The following RETREG1 variants were observed in gnomAD, a reference collection of about 807,000 sequenced individuals.
The protein encoded by RETREG1 is reticulophagy regulator 1, also known as family with sequence similarity 134 member B.
A neutral mutation model predicts 54.8 loss-of-function variants in RETREG1; 44 were observed. That is an observed-to-expected ratio of 0.80 (90% CI 0.63 to 1.03). The LOEUF (loss-of-function observed/expected upper bound fraction) is 1.03, where lower values mean the gene tolerates loss of function less well. Among genes scored for constraint, RETREG1 ranks in the 50% least tolerant of loss-of-function variants. The probability of loss-of-function intolerance (pLI) is 0.00; values close to 1 mark genes in which losing one functional copy is unlikely to be tolerated. For missense variants in RETREG1, 554 were observed against 605.1 expected, an observed-to-expected ratio of 0.92 and a Z score of 0.89; for synonymous variants, 217 against 238.5, an observed-to-expected ratio of 0.91 and a Z score of 0.83.
chr5:16,603,494 A>G (rs548113887), intron 1 of RETREG1, among the ~76,000 whole-genome samples: 2 of 152,316 alleles, frequency 1.3e-5, no homozygotes, highest in African/African-American at 4.8e-5. Flanking sequence ...AAGACTAATG[A>G]CAGGGAAGGG....
rs915101853 is a variant in RETREG1 at position 16,597,502 on chromosome 5, A to G, written c.320+19150T>C. ...TGCTGGACTCTGAGTACCCTTGGGG[A>G]GTCCAGGAGTCTCTCTCAGGATGGC... is the stretch of plus-strand genomic sequence containing the variant. On this transcript the variant is annotated intron_variant, in intron 1 of 8. Transcript: ENST00000306320. The surrounding 1 kb of genome is among the most constrained non-coding windows in gnomAD (Gnocchi z 4.3). 1.3e-5 allele frequency among the ~76,000 whole-genome samples: 2 copies of G among 152,122 alleles called. No individual in the cohort carries two copies. The highest frequency in any genetic ancestry group is 4.8e-5 in the African/African-American group (2 of 41,430).
Position 16,474,695 on chromosome 5 carries a change from A to ATTTTTTTTTTTTTTTTTTTT in RETREG1, c.*45_*46insAAAAAAAAAAAAAAAAAAAA. 6.6e-7 allele frequency: 1 copy of ATTTTTTTTTTTTTTTTTTTT among 1,517,948 alleles called. No individual in the cohort carries two copies. Among genetic ancestry groups the ATTTTTTTTTTTTTTTTTTTT allele is most frequent in the East Asian group, 2.4e-5 (1 of 41,996 alleles). The allele number at this position is 1,517,948 out of a possible 1,614,324, so 94.0% of individuals were successfully genotyped here. A position where few individuals can be genotyped will look rare whatever the true frequency, so the allele number is the denominator to read the frequency against. ...TTTTTTTTTTTTTTTTCTTGTTTGA[A>ATTTTTTTTTTTTTTTTTTTT]ATTTTTTTGGTGTTTTTTGTGCTCT... On this transcript the variant is annotated 3_prime_UTR_variant, in exon 9 of 9. Coordinates refer to ENST00000306320, the MANE Select transcript of RETREG1 (RefSeq NM_001034850.3).
At chr5:16,557,920 T>C (rs762091514) in intron 3 of RETREG1, among the ~76,000 whole-genome samples, 1 of 152,070 alleles carries the variant, frequency 6.6e-6, no homozygotes, top group Admixed American at 6.6e-5. Flanking sequence ...GATATTAAGA[T>C]GTGATTAAGA....
intron 3 of RETREG1, among the ~76,000 whole-genome samples, chr5:16,554,830 T>C (rs1029013935): frequency 3.3e-5 from 5 of 152,176 alleles, no homozygotes; most frequent in African/African-American, 1.2e-4. Flanking sequence ...AAACAAAACT[T>C]ACTGGTATAA....
intron 3 of RETREG1, among the ~76,000 whole-genome samples, chr5:16,538,740 T>C (rs1452292606): frequency 1.3e-5 from 2 of 152,104 alleles, no homozygotes; most frequent in East Asian, 1.9e-4. Flanking sequence ...AGTCTCGCTC[T>C]GTCGCCCAGG....
In RETREG1 at chr5:16,616,933, T is replaced by G. The variant is rs184475513; in HGVS notation, c.39A>C (p.Gly13=). 13 of 1,474,600 alleles carry G rather than the reference T, an allele frequency of 8.8e-6. No homozygotes were observed. In the African/African-American group the frequency reaches 1.9e-4, roughly 22 times the overall value. 91.3% of individuals were successfully genotyped at this position (1,474,600 alleles called of 1,614,324 possible). Residue 13 remains glycine, a synonymous_variant, in exon 1 of 9, where the codon GGA becomes GGC. Coordinates refer to ENST00000306320, the MANE Select transcript of RETREG1 (RefSeq NM_001034850.3). The part of the protein sequence containing the change: ...SPAPPEHAEE[G]CPAPAAEEQA... Reference sequence around the variant, plus strand: ...GCTCCTCGGCGGCAGGAGCCGGGCATCCCTCCTCGGCGTGCTCCGGAGGCG... The same window carrying G: ...GCTCCTCGGCGGCAGGAGCCGGGCAGCCCTCCTCGGCGTGCTCCGGAGGCG...
At chr5:16,543,496 T>C (rs1021925693) in intron 3 of RETREG1, among the ~76,000 whole-genome samples, 7 of 152,020 alleles carry the variant, frequency 4.6e-5, no homozygotes, top group African/African-American at 1.7e-4. Flanking sequence ...GCCAACATGA[T>C]GAAACCCTAT....
intron 3 of RETREG1, among the ~76,000 whole-genome samples, chr5:16,526,702 A>C (rs1366469583): frequency 6.6e-6 from 1 of 152,212 alleles, no homozygotes; most frequent in Non-Finnish European, 1.5e-5. Context: ...AATCCATTAT[A>C]ATCATCAATA....
intron 3 of RETREG1, among the ~76,000 whole-genome samples, chr5:16,552,439 A>AC (rs139208556): frequency 0.011 from 1,737 of 152,348 alleles, 32 homozygotes; most frequent in African/African-American, 0.039. Flanking sequence ...AAGATAAACA[A>AC]CATTCAAAAG....
At chr5:16,603,210 G>A (rs1743093326) in intron 1 of RETREG1, among the ~76,000 whole-genome samples, 1 of 152,148 alleles carries the variant, frequency 6.6e-6, no homozygotes, top group Non-Finnish European at 1.5e-5. Context: ...GGGAGAGACT[G>A]ATCTTCATCC....
intron 3 of RETREG1, among the ~76,000 whole-genome samples, chr5:16,496,609 G>A (rs1245542016): frequency 6.6e-6 from 1 of 152,092 alleles, no homozygotes; most frequent in Non-Finnish European, 1.5e-5. Context: ...CTGAAACTCA[G>A]AATTCCATTA....
chr5:16,603,637 C>T (rs1004707250), intron 1 of RETREG1, among the ~76,000 whole-genome samples: 2 of 152,106 alleles, frequency 1.3e-5, no homozygotes, highest in East Asian at 1.9e-4. Flanking sequence ...GCCTCCATAA[C>T]GGCTCCATGC....
At chr5:16,607,297 C>T (rs1208626650) in intron 1 of RETREG1, among the ~76,000 whole-genome samples, 4 of 152,192 alleles carry the variant, frequency 2.6e-5, no homozygotes, top group East Asian at 1.9e-4. Flanking sequence ...TTATATCCCC[C>T]GCACCAAGAA....
chr5:16,610,871 A>G (rs1285246082), intron 1 of RETREG1, among the ~76,000 whole-genome samples: 1 of 152,156 alleles, frequency 6.6e-6, no homozygotes. Flanking sequence ...ATCTAGAACT[A>G]GAAATACCAT....
intron 3 of RETREG1, among the ~76,000 whole-genome samples, chr5:16,522,140 A>G (rs183334257): frequency 6.6e-6 from 1 of 151,912 alleles, no homozygotes; most frequent in Non-Finnish European, 1.5e-5. Context: ...GTATCTAGGC[A>G]TTTTCCAAGA....
At chr5:16,487,267 A>C (rs1739054917) in intron 3 of RETREG1, among the ~76,000 whole-genome samples, 2 of 152,210 alleles carry the variant, frequency 1.3e-5, no homozygotes, top group Admixed American at 1.3e-4. Flanking sequence ...CCTTAGTTTC[A>C]GAGAGACCAT....
intron 3 of RETREG1, among the ~76,000 whole-genome samples, chr5:16,564,627 T>C (rs1741957940): frequency 6.6e-6 from 1 of 152,222 alleles, no homozygotes; most frequent in Non-Finnish European, 1.5e-5. Flanking sequence ...CCAGAGCCTA[T>C]GCCAGCTCTT....
At chr5:16,566,782 C>T (rs1742024060) in intron 2 of RETREG1, among the ~76,000 whole-genome samples, 1 of 152,242 alleles carries the variant, frequency 6.6e-6, no homozygotes, top group Non-Finnish European at 1.5e-5. Flanking sequence ...TGCTCCTCTT[C>T]TAGACCTCTT....
intron 1 of RETREG1, among the ~76,000 whole-genome samples, chr5:16,613,677 T>C (rs2126381019): frequency 6.6e-6 from 1 of 152,296 alleles, no homozygotes; most frequent in South Asian, 2.1e-4. Flanking sequence ...AAAAATGAAA[T>C]ACATCAATTA....
Sources: gnomAD v4.1 joint callset for allele counts (sites outside exome capture counted in the v4.1 genomes callset) on GRCh38, gnomAD v4.1.1 for gene constraint, Gnocchi (gnomAD v3.1) non-coding constraint, MANE v1.5 for transcripts, NCBI Gene and HGNC (gene_info 2026-07-23, HGNC 2026-07-21) for gene names.